The following MAPKAPK5 variants were observed in gnomAD, a reference collection of about 807,000 sequenced individuals.
The protein encoded by MAPKAPK5 is MAP kinase-activated protein kinase 5.
Under a neutral mutation model 65.1 loss-of-function variants are expected in MAPKAPK5, and 30 were observed. The ratio of observed to expected loss-of-function variants is 0.46; its 90% CI spans 0.34 to 0.63. The LOEUF (loss-of-function observed/expected upper bound fraction) is 0.63. Among genes scored for constraint, MAPKAPK5 ranks in the 20% least tolerant of loss-of-function variants. The probability of loss-of-function intolerance (pLI) is 0.01; values close to 1 mark genes in which losing one functional copy is unlikely to be tolerated. For missense variants in MAPKAPK5, 433 were observed against 581.4 expected (o/e 0.74, Z 2.63); for synonymous variants, 179 against 204.6 (o/e 0.87, Z 1.07).
In MAPKAPK5 at chr12:111,893,204, A is replaced by G. The variant is rs1388812556; in HGVS notation, c.*143A>G. On this transcript the variant is annotated 3_prime_UTR_variant, in exon 14 of 14. Coordinates refer to ENST00000550735, the MANE Select transcript of MAPKAPK5 (RefSeq NM_003668.4). ...ATAGATTTAGGGTGCAGGACTTAAT[A>G]ATAGTATAGTTATTGTTTGTTTTTA... 1 of 515,296 alleles carries G rather than the reference A, an allele frequency of 1.9e-6. No individual in the cohort carries two copies. Among genetic ancestry groups the G allele is most frequent in the East Asian group, 3.6e-5 (1 of 27,556 alleles). The allele number at this position is 515,296 out of a possible 1,614,324, so 31.9% of individuals were successfully genotyped here. A position where few individuals can be genotyped will look rare whatever the true frequency, so the allele number is the denominator to read the frequency against.
intron 1 of MAPKAPK5, among the ~76,000 whole-genome samples, chr12:111,858,741 C>T (rs1245751355): frequency 6.8e-6 from 1 of 146,566 alleles, no homozygotes; most frequent in Non-Finnish European, 1.5e-5. Flanking sequence ...CGGGGTTTCA[C>T]TGTGTTGGCC....
rs1035973676 is a variant in MAPKAPK5, at chr12:111,842,423, G to T, written c.-311G>T. The T allele has an allele frequency of 4.1e-6, 1 of 241,024 alleles. No homozygotes were observed. The highest frequency in any genetic ancestry group is 8.0e-6 in the Non-Finnish European group (1 of 125,004). The allele number at this position is 241,024 out of a possible 1,614,324, so 14.9% of individuals were successfully genotyped here. ...GGCGCCCCGGGTCGAGGCCCTCCCC[G>T]CCTCGCCCTACCCCAGGAGCCTGCC... On this transcript the variant is annotated 5_prime_UTR_variant, in exon 1 of 14. Coordinates refer to ENST00000550735, the MANE Select transcript of MAPKAPK5 (RefSeq NM_003668.4).
At chr12:111,851,140 C>T (rs544229143) in intron 1 of MAPKAPK5, among the ~76,000 whole-genome samples, 13 of 151,880 alleles carry the variant, frequency 8.6e-5, no homozygotes, top group South Asian at 2.1e-4. Flanking sequence ...TCAAGTGATC[C>T]GCCTGCCTCG....
intron 2 of MAPKAPK5, among the ~76,000 whole-genome samples, 185 bp from the exon 3 acceptor site, chr12:111,865,971 T>C (rs962031955): frequency 6.6e-6 from 1 of 152,044 alleles, no homozygotes; most frequent in Non-Finnish European, 1.5e-5. Flanking sequence ...GGCCTGAGCA[T>C]TGGCTGCTGG....
At chr12:111,859,527 G>A (rs944939742) in intron 1 of MAPKAPK5, among the ~76,000 whole-genome samples, 1 of 152,176 alleles carries the variant, frequency 6.6e-6, no homozygotes, top group South Asian at 2.1e-4. Context: ...GGCCTCCCAA[G>A]TGCTGGGATT....
chr12:111,895,487 T>C lies in MAPKAPK5; in HGVS notation c.*2426T>C, dbSNP rs752968453. The C allele has an allele frequency of 6.6e-6, 1 of 151,450 alleles. No homozygotes were observed. Among genetic ancestry groups the C allele is most frequent in the South Asian group, 2.1e-4 (1 of 4,782 alleles). The allele number at this position is 151,450 out of a possible 1,614,324, so 9.4% of individuals were successfully genotyped here. A position where few individuals can be genotyped will look rare whatever the true frequency, so the allele number is the denominator to read the frequency against. Reference sequence around the variant, plus strand: ...ACTAATCTTAGGTGACTGATAACTGTTATAAATGGATTTCCTGTAAGGAGA... The same window carrying C: ...ACTAATCTTAGGTGACTGATAACTGCTATAAATGGATTTCCTGTAAGGAGA... On this transcript the variant is annotated 3_prime_UTR_variant, in exon 14 of 14. Coordinates refer to ENST00000550735, the MANE Select transcript of MAPKAPK5 (RefSeq NM_003668.4).
chr12:111,859,185 C>G (rs1298623991), intron 1 of MAPKAPK5, among the ~76,000 whole-genome samples: 1 of 148,024 alleles, frequency 6.8e-6, no homozygotes, highest in Non-Finnish European at 1.5e-5. Context: ...TCTGAGTTTT[C>G]CCCCCTGTGG....
intron 7 of MAPKAPK5, among the ~76,000 whole-genome samples, chr12:111,874,221 C>T (rs1181588162): frequency 2.0e-5 from 3 of 151,540 alleles, no homozygotes; most frequent in African/African-American, 7.3e-5. Context: ...ATGGTGAAAC[C>T]CCATCTTTAC....
intron 7 of MAPKAPK5, among the ~76,000 whole-genome samples, chr12:111,874,470 G>GTTTTT (rs79738806): frequency 7.5e-6 from 1 of 133,398 alleles, no homozygotes; most frequent in Non-Finnish European, 1.6e-5. Flanking sequence ...TTTGTTTTGG[G>GTTTTT]TTTTTTTTTT....
rs775383628 is a variant in MAPKAPK5, at chr12:111,847,544, C to T, written c.36+4775C>T. ...ACATATTGTTTTCTATTATGTATAG[C>T]GAGTCGTTAATATTTGATGGAGTTT... On this transcript the variant is annotated intron_variant, in intron 1 of 13. Transcript: ENST00000550735. 2.0e-4 allele frequency among the ~76,000 whole-genome samples: 31 copies of T among 151,762 alleles called. 2 individuals are homozygous for T. The highest frequency in any genetic ancestry group is 8.8e-5 in the Non-Finnish European group (6 of 68,000).
chr12:111,852,543 T>A (rs2069117514), intron 1 of MAPKAPK5, among the ~76,000 whole-genome samples: 1 of 152,234 alleles, frequency 6.6e-6, no homozygotes, highest in Non-Finnish European at 1.5e-5. Flanking sequence ...CTGTTGTCAG[T>A]ATGGTTAACA....
intron 1 of MAPKAPK5, chr12:111,843,331 A>G (rs766933854): frequency 5.0e-6 from 2 of 398,518 alleles, no homozygotes; most frequent in African/African-American, 4.1e-5. Flanking sequence ...TACTTAGGAA[A>G]AGTTAACAGT....
intron 1 of MAPKAPK5, among the ~76,000 whole-genome samples, chr12:111,857,302 T>C (rs1383636214): frequency 6.6e-6 from 1 of 151,254 alleles, no homozygotes; most frequent in Non-Finnish European, 1.5e-5. Flanking sequence ...AGTGCAGTGG[T>C]ATGATCTCGG....
At chr12:111,885,743 T>G (rs2070379130) in intron 9 of MAPKAPK5, 173 bp from the exon 10 acceptor site, 3 of 680,610 alleles carry the variant, frequency 4.4e-6, no homozygotes, top group Non-Finnish European at 4.8e-6. Context: ...CCTCAAGCCA[T>G]AGTACCCCTA....
In MAPKAPK5 at chr12:111,898,578, C is replaced by A. The variant is rs1262880817; in HGVS notation, c.*5517C>A. Reference sequence around the variant, plus strand: ...GCCCATTTTACTTAACACAATATATCCGTGCATTAGGAAAACTTGGTAGAG... The same window carrying A: ...GCCCATTTTACTTAACACAATATATACGTGCATTAGGAAAACTTGGTAGAG... On this transcript the variant is annotated 3_prime_UTR_variant, in exon 14 of 14. Coordinates refer to ENST00000550735, the MANE Select transcript of MAPKAPK5 (RefSeq NM_003668.4). 6.6e-6 allele frequency: 1 copy of A among 152,134 alleles called. No individual in the cohort carries two copies. The highest frequency in any genetic ancestry group is 1.5e-5 in the Non-Finnish European group (1 of 68,028). The allele number at this position is 152,134 out of a possible 1,614,324, so 9.4% of individuals were successfully genotyped here.
intron 1 of MAPKAPK5, among the ~76,000 whole-genome samples, chr12:111,855,787 A>G (rs1039327865): frequency 4.6e-4 from 70 of 151,370 alleles, no homozygotes; most frequent in African/African-American, 1.6e-3. Context: ...AGATTGCGCC[A>G]CTGTACTCCA....
intron 5 of MAPKAPK5, among the ~76,000 whole-genome samples, chr12:111,869,981 A>G (rs1257032429): frequency 2.0e-5 from 3 of 152,164 alleles, no homozygotes; most frequent in Non-Finnish European, 4.4e-5. Context: ...AAGTGGGAGC[A>G]TTTCATTTTT....
rs2136135335 is a variant in MAPKAPK5, at chr12:111,880,443, A to G, written c.580-4A>G. 4 of 1,613,342 alleles carry G rather than the reference A, an allele frequency of 2.5e-6. No individual in the cohort carries two copies. The highest frequency in any genetic ancestry group is 3.4e-6 in the Non-Finnish European group (4 of 1,179,440). ...ATGGTCCCCTTTGGTCTGACTCTTG[A>G]CAGGTACTGGAGGCGCAAAGAAGGC... On this transcript the variant is annotated splice_polypyrimidine_tract_variant and splice_region_variant and intron_variant, in intron 7 of 13. Coordinates refer to ENST00000550735, the MANE Select transcript of MAPKAPK5 (RefSeq NM_003668.4).
intron 1 of MAPKAPK5, among the ~76,000 whole-genome samples, chr12:111,856,207 A>G (rs1357017570): frequency 6.6e-6 from 1 of 151,894 alleles, no homozygotes; most frequent in Non-Finnish European, 1.5e-5. Context: ...CCTTCTGTTC[A>G]TTTCTGGCTT....
Sources: gnomAD v4.1 joint callset for allele counts (sites outside exome capture counted in the v4.1 genomes callset) on GRCh38, gnomAD v4.1.1 for gene constraint, MANE v1.5 for transcripts, NCBI Gene and HGNC (gene_info 2026-07-23, HGNC 2026-07-21) for gene names.